FAM171A1: variants seen among roughly 807,000 people sequenced by gnomAD.
The protein encoded by FAM171A1 is protein FAM171A1.
Under a neutral mutation model 74.9 loss-of-function variants are expected in FAM171A1, and 23 were observed. The observed-to-expected ratio is 0.31, with a 90% CI of 0.22 to 0.44. The LOEUF is 0.44. Among genes scored for constraint, FAM171A1 ranks in the 20% least tolerant of loss-of-function variants. FAM171A1 has a pLI of 1.00. For missense variants in FAM171A1, 1,162 were observed against 1,159.2 expected (o/e 1.00, Z -0.03); for synonymous variants, 527 against 505.7 (o/e 1.04, Z -0.57).
At chr10:15,335,071 A>G (rs1383620432) in intron 1 of FAM171A1, among the ~76,000 whole-genome samples, 1 of 152,114 alleles carries the variant, frequency 6.6e-6, no homozygotes, top group Non-Finnish European at 1.5e-5. Flanking sequence ...GTGAAACCCC[A>G]TCTCTACAAA....
At position 15,213,037 on chromosome 10, in the gene FAM171A1, G is replaced by T. The variant is rs2131697500; in HGVS notation, c.2551C>A (p.His851Asn). 3 of 1,613,964 alleles carry T rather than the reference G, an allele frequency of 1.9e-6. No individual in the cohort carries two copies. Among genetic ancestry groups the T allele is most frequent in the East Asian group, 4.5e-5 (2 of 44,848 alleles). Residue 851 changes from histidine (H) to asparagine (N), a missense_variant, in exon 8 of 8, where the codon CAC becomes AAC. Physicochemically the swap from His to Asn is moderately conservative, Grantham distance 68. Coordinates refer to ENST00000378116, the MANE Select transcript of FAM171A1 (RefSeq NM_001010924.2). The surrounding 1 kb of genome is among the most constrained non-coding windows in gnomAD (Gnocchi z 6.8). ...DAPSEPAASP[H>N]QRRSAHEEEE... The stretch of plus-strand genomic sequence containing the variant: ...TCCTCGTGGGCAGATCTTCTCTGGT[G>T]GGGGCTGGCTGCTGGCTCCGAGGGG...
chr10:15,364,498 T>C (rs1303326168), intron 1 of FAM171A1, among the ~76,000 whole-genome samples: 2 of 152,196 alleles, frequency 1.3e-5, no homozygotes, highest in Non-Finnish European at 2.9e-5. Flanking sequence ...AAGCAGTCCA[T>C]GCTGCACCAC....
At chr10:15,301,303 G>T (rs911714569) in intron 1 of FAM171A1, among the ~76,000 whole-genome samples, 1 of 151,638 alleles carries the variant, frequency 6.6e-6, no homozygotes, top group Non-Finnish European at 1.5e-5. Flanking sequence ...CTCTCGAGTA[G>T]CTGGGATTAC....
chr10:15,360,924 T>C (rs966898730), intron 1 of FAM171A1, among the ~76,000 whole-genome samples: 2 of 152,186 alleles, frequency 1.3e-5, no homozygotes, highest in African/African-American at 2.4e-5. Flanking sequence ...TAAGTATTTT[T>C]CCCATGGATT....
At chr10:15,224,683 T>C (rs912766785) in intron 5 of FAM171A1, among the ~76,000 whole-genome samples, 6 of 152,316 alleles carry the variant, frequency 3.9e-5, no homozygotes, top group African/African-American at 1.4e-4. Flanking sequence ...GTTTTCTCTC[T>C]TGCCTGCCAC....
At chr10:15,310,937 A>G (rs1371944143) in intron 1 of FAM171A1, among the ~76,000 whole-genome samples, 2 of 152,154 alleles carry the variant, frequency 1.3e-5, no homozygotes, top group Non-Finnish European at 2.9e-5. Context: ...ATGGACCCCA[A>G]GCACGTGGGT....
chr10:15,282,504 G>A (rs564619601), intron 2 of FAM171A1, among the ~76,000 whole-genome samples: 11 of 152,266 alleles, frequency 7.2e-5, no homozygotes, highest in Middle Eastern at 3.4e-3. Context: ...TCAGCCCTGC[G>A]TTTCCCTTGT....
At chr10:15,245,874 T>G (rs544998626) in intron 5 of FAM171A1, among the ~76,000 whole-genome samples, 7 of 152,264 alleles carry the variant, frequency 4.6e-5, no homozygotes, top group Non-Finnish European at 7.3e-5. Context: ...GTTTTATAAG[T>G]AGCAGAACCC....
At chr10:15,355,732 A>ATAC (rs1164213201) in intron 1 of FAM171A1, among the ~76,000 whole-genome samples, 24 of 151,976 alleles carry the variant, frequency 1.6e-4, no homozygotes, top group African/African-American at 5.3e-4. Flanking sequence ...AATAATAATA[A>ATAC]TAAAATAAAT....
rs1026186050 is a variant in FAM171A1 at position 15,212,690 on chromosome 10, C to T, written c.*225G>A. ...CGGAAGGACATCTGGACACCACTTT[C>T]AGCCACCTCCTTGCAGGGGCGACAT... On this transcript the variant is annotated 3_prime_UTR_variant, in exon 8 of 8. Coordinates refer to ENST00000378116, the MANE Select transcript of FAM171A1 (RefSeq NM_001010924.2). 3 of 630,368 alleles carry T rather than the reference C, an allele frequency of 4.8e-6. No homozygotes were observed. The highest frequency in any genetic ancestry group is 7.9e-6 in the Non-Finnish European group (3 of 378,268). 39.0% of individuals were successfully genotyped at this position (630,368 alleles called of 1,614,324 possible).
chr10:15,292,438 A>G (rs911459686), intron 1 of FAM171A1, among the ~76,000 whole-genome samples: 1 of 152,208 alleles, frequency 6.6e-6, no homozygotes, highest in Non-Finnish European at 1.5e-5. Flanking sequence ...ATTTTGAAGC[A>G]AATTCCAGAT....
At chr10:15,227,006 T>C (rs1195965701) in intron 5 of FAM171A1, among the ~76,000 whole-genome samples, 3 of 152,134 alleles carry the variant, frequency 2.0e-5, no homozygotes, top group African/African-American at 4.8e-5. Context: ...CAGTGATACA[T>C]ATATTTCTTT....
intron 1 of FAM171A1, among the ~76,000 whole-genome samples, chr10:15,313,907 T>C (rs975933069): frequency 3.3e-5 from 5 of 152,208 alleles, no homozygotes; most frequent in Admixed American, 6.5e-5. Flanking sequence ...GAAGAGAACT[T>C]TGTGTGAATC....
At chr10:15,324,090 C>T (rs1835520166) in intron 1 of FAM171A1, among the ~76,000 whole-genome samples, 1 of 152,162 alleles carries the variant, frequency 6.6e-6, no homozygotes, top group Non-Finnish European at 1.5e-5. Flanking sequence ...AGCAAAGTGG[C>T]TCTTAGCAAG....
Position 15,212,802 on chromosome 10 carries a change from G to T in FAM171A1, c.*113C>A. On this transcript the variant is annotated 3_prime_UTR_variant, in exon 8 of 8. Coordinates refer to ENST00000378116, the MANE Select transcript of FAM171A1 (RefSeq NM_001010924.2). The stretch of plus-strand genomic sequence containing the variant: ...AAACAGGAATGCAGTAAACGTCCAC[G>T]TCCGTCCCACGGCTGGGCTGCCGTT... 1 of 1,356,464 alleles carries T rather than the reference G, an allele frequency of 7.4e-7. No homozygotes were observed. Among genetic ancestry groups the T allele is most frequent in the Non-Finnish European group, 1.0e-6 (1 of 990,646 alleles). 84.0% of individuals were successfully genotyped at this position (1,356,464 alleles called of 1,614,324 possible).
intron 1 of FAM171A1, among the ~76,000 whole-genome samples, chr10:15,301,987 TA>T (rs59985784): frequency 0.19 from 28,557 of 152,142 alleles, 3,328 homozygotes; most frequent in Non-Finnish European, 0.26. Context: ...AAAGAAGACA[TA>T]AGACAGTCCC....
At chr10:15,284,132 A>G in intron 1 of FAM171A1, 27 bp from the exon 2 acceptor site, 1 of 1,600,802 alleles carries the variant, frequency 6.2e-7, no homozygotes, top group Non-Finnish European at 8.5e-7. Flanking sequence ...CACAAAGAAC[A>G]GCTACTGTCA....
intron 3 of FAM171A1, among the ~76,000 whole-genome samples, chr10:15,267,134 A>G (rs1371577146): frequency 6.6e-6 from 1 of 152,154 alleles, no homozygotes; most frequent in African/African-American, 2.4e-5. Context: ...TGTACCCCAC[A>G]GGGGGGCTAC....
chr10:15,320,951 T>G (rs1204176025), intron 1 of FAM171A1, among the ~76,000 whole-genome samples: 1 of 152,248 alleles, frequency 6.6e-6, no homozygotes, highest in Non-Finnish European at 1.5e-5. Context: ...CTGGGTACTG[T>G]AACTGAAGAG....
Sources: allele counts gnomAD v4.1 joint callset (sites outside exome capture counted in the v4.1 genomes callset), GRCh38; gene constraint gnomAD v4.1.1; non-coding constraint Gnocchi (gnomAD v3.1); transcripts MANE v1.5; gene names NCBI Gene and HGNC (gene_info 2026-07-23, HGNC 2026-07-21).